PPP2R2C: variants seen among roughly 807,000 people sequenced by gnomAD.
The protein encoded by PPP2R2C is protein phosphatase 2, regulatory subunit B, gamma.
PPP2R2C carries 10 observed loss-of-function variants against 45.3 expected under a neutral mutation model. That is an observed-to-expected ratio of 0.22 (90% confidence interval 0.14 to 0.37). The LOEUF is 0.37. Ranked by LOEUF, PPP2R2C falls within the 10% of genes least tolerant of loss-of-function variation. The probability of loss-of-function intolerance (pLI) is 1.00; values close to 1 mark genes in which losing one functional copy is unlikely to be tolerated. For synonymous variants in PPP2R2C, 257 were observed against 245.4 expected (o/e 1.05, Z -0.44); for missense variants, 308 against 619.7 (o/e 0.50, Z 5.34).
intron 1 of PPP2R2C, among the ~76,000 whole-genome samples, chr4:6,395,571 T>C (rs1258750145): frequency 1.3e-5 from 2 of 151,682 alleles, no homozygotes; most frequent in African/African-American, 4.8e-5. Flanking sequence ...TGGGGTAGGG[T>C]GTGGGCAGAG....
At chr4:6,449,967 G>A (rs542694319) in intron 1 of PPP2R2C, among the ~76,000 whole-genome samples, 10 of 152,300 alleles carry the variant, frequency 6.6e-5, no homozygotes, top group South Asian at 2.1e-4. Context: ...AGGCTTCCCC[G>A]GGAGCTGCCG....
At position 6,460,639 on chromosome 4, in the gene PPP2R2C, A is replaced by AAT. The variant is rs1015922681; in HGVS notation, c.70+11519_70+11520dup. Among the ~76,000 whole-genome samples the AAT allele has an allele frequency of 5.9e-5, 9 of 152,264 alleles. 1 individual carries two copies. Among genetic ancestry groups the AAT allele is most frequent in the African/African-American group, 1.9e-4 (8 of 41,548 alleles). ...CTTTCAGTGAATAAAAAAATGTAGG[A>AAT]ATATATATATACCTAGATAGTATGT... On this transcript the variant is annotated intron_variant, in intron 1 of 8. Coordinates refer to ENST00000382599, the MANE Select transcript of PPP2R2C (RefSeq NM_020416.4).
rs1252611737 is a variant in PPP2R2C at position 6,328,976 on chromosome 4, G to A, written c.1052+286C>T. Among the ~76,000 whole-genome samples the A allele has an allele frequency of 1.3e-5, 2 of 152,202 alleles. No homozygotes were observed. Among genetic ancestry groups the A allele is most frequent in the Admixed American group, 6.5e-5 (1 of 15,286 alleles). On this transcript the variant is annotated intron_variant, in intron 8 of 8. Transcript: ENST00000382599. This position sits in a 1 kb window ranked among gnomAD's most constrained non-coding sequence, Gnocchi z 4.4. ...AGCTGGGAGAGGGGAGCACATCACC[G>A]GGGACCCTGAATTAACTAAACATGT...
chr4:6,511,215 T>C (rs949402658), intron 2 of PPP2R2C, among the ~76,000 whole-genome samples: 7 of 152,082 alleles, frequency 4.6e-5, no homozygotes, highest in Non-Finnish European at 8.8e-5. Flanking sequence ...ATGGCGTGAG[T>C]GCTCAGTACA....
intron 5 of PPP2R2C, among the ~76,000 whole-genome samples, chr4:6,370,413 C>T (rs1192796903): frequency 1.3e-5 from 2 of 152,224 alleles, no homozygotes; most frequent in African/African-American, 2.4e-5. Context: ...AGACCTGGAG[C>T]TCCTGCTAGG....
intron 1 of PPP2R2C, among the ~76,000 whole-genome samples, chr4:6,550,129 T>G (rs1037663151): frequency 2.0e-5 from 3 of 152,132 alleles, no homozygotes; most frequent in African/African-American, 7.2e-5. Flanking sequence ...GCTCACTGCC[T>G]GCATGACCTT....
intron 2 of PPP2R2C, among the ~76,000 whole-genome samples, chr4:6,511,577 CGGTGGTGGTGGTGGT>C (rs1560594014): frequency 1.7e-3 from 2 of 1,154 alleles, no homozygotes; most frequent in Non-Finnish European, 3.4e-3. Context: ...GTGGTGATGG[CGGTGGTGGTGGTGGT>C]GGTGATGGGG....
chr4:6,463,940 G>A (rs763342109), intron 1 of PPP2R2C, among the ~76,000 whole-genome samples: 12 of 152,158 alleles, frequency 7.9e-5, no homozygotes, highest in Non-Finnish European at 1.6e-4. Flanking sequence ...TCCTAAGTGT[G>A]GTGCATAATC....
At chr4:6,387,729 C>T (rs1716314987) in intron 1 of PPP2R2C, among the ~76,000 whole-genome samples, 1 of 151,256 alleles carries the variant, frequency 6.6e-6, no homozygotes, top group Non-Finnish European at 1.5e-5. Context: ...AGGAGAATTG[C>T]TTGAACCTGA....
chr4:6,390,682 G>A (rs561628848), intron 1 of PPP2R2C, among the ~76,000 whole-genome samples: 7 of 152,290 alleles, frequency 4.6e-5, no homozygotes, highest in East Asian at 3.9e-4. Flanking sequence ...ACCTCATTCC[G>A]GGCCAGGGAA....
At chr4:6,371,086 G>A (rs527594424) in intron 5 of PPP2R2C, among the ~76,000 whole-genome samples, 4 of 152,308 alleles carry the variant, frequency 2.6e-5, no homozygotes, top group South Asian at 2.1e-4. Context: ...GCTCACTGAC[G>A]GCACCCCACA....
At chr4:6,496,679 T>G (rs1290079062) in intron 2 of PPP2R2C, among the ~76,000 whole-genome samples, 2 of 152,020 alleles carry the variant, frequency 1.3e-5, no homozygotes, top group Non-Finnish European at 1.5e-5. Flanking sequence ...CTGACCAACA[T>G]GGTGAAACCC....
intron 1 of PPP2R2C, among the ~76,000 whole-genome samples, chr4:6,536,175 AGGAAC>A (rs1174619451): frequency 6.6e-6 from 1 of 152,222 alleles, no homozygotes; most frequent in Non-Finnish European, 1.5e-5. Flanking sequence ...GGTGAAGGAT[AGGAAC>A]TATAAACCCG....
At chr4:6,458,744 C>A (rs929584876) in intron 1 of PPP2R2C, among the ~76,000 whole-genome samples, 5 of 152,078 alleles carry the variant, frequency 3.3e-5, no homozygotes, top group African/African-American at 1.2e-4. Flanking sequence ...CAGGCATGAC[C>A]CAGCAGGCAT....
In PPP2R2C at chr4:6,462,802, T is replaced by C. The variant is rs560888698; in HGVS notation, c.70+9358A>G. 5.3e-5 allele frequency among the ~76,000 whole-genome samples: 8 copies of C among 152,340 alleles called. No individual in the cohort carries two copies. The East Asian group carries it at 1.5e-3, about 29-fold the overall frequency. On this transcript the variant is annotated intron_variant, in intron 1 of 8. Transcript: ENST00000382599. ...CGGGGAAATGACAGGAGTCTTGGAT[T>C]TGCCTAAAAATTCTTCATCCAAAAG...
intron 5 of PPP2R2C, chr4:6,350,905 C>A: frequency 1.0e-6 from 1 of 985,354 alleles, no homozygotes; most frequent in Non-Finnish European, 1.2e-6. Context: ...GCCTTGGAGA[C>A]CTTCAGGTTG....
intron 1 of PPP2R2C, among the ~76,000 whole-genome samples, chr4:6,387,716 G>C (rs972485833): frequency 3.3e-5 from 5 of 151,878 alleles, no homozygotes; most frequent in African/African-American, 1.2e-4. Flanking sequence ...GGGAGGCTGA[G>C]GCAGGAGAAT....
chr4:6,455,636 CCT>C (rs896608273), intron 1 of PPP2R2C, among the ~76,000 whole-genome samples: 1 of 152,150 alleles, frequency 6.6e-6, no homozygotes, highest in Non-Finnish European at 1.5e-5. Context: ...GCTCACACTC[CCT>C]CTGAGCCCCC....
At chr4:6,528,712 A>T (rs1020306839) in intron 2 of PPP2R2C, among the ~76,000 whole-genome samples, 1 of 152,100 alleles carries the variant, frequency 6.6e-6, no homozygotes, top group African/African-American at 2.4e-5. Flanking sequence ...ACCACAAAAG[A>T]AGTGAAAATG....
Sources: allele counts gnomAD v4.1 joint callset (sites outside exome capture counted in the v4.1 genomes callset), GRCh38; gene constraint gnomAD v4.1.1; non-coding constraint Gnocchi (gnomAD v3.1); transcripts MANE v1.5; gene names NCBI Gene and HGNC (gene_info 2026-07-23, HGNC 2026-07-21).